STX8: variants seen among roughly 807,000 people sequenced by gnomAD.
The protein encoded by STX8 is syntaxin 8.
A neutral mutation model predicts 37.5 loss-of-function variants in STX8; 23 were observed. That is an observed-to-expected ratio of 0.61 (90% CI 0.44 to 0.87). STX8 has a LOEUF of 0.87. STX8 is among the 40% of genes least tolerant of loss of function. STX8 has a pLI of 0.00. For missense variants in STX8, 313 were observed against 284.7 expected (o/e 1.10, Z -0.71); for synonymous variants, 115 against 99.1 (o/e 1.16, Z -0.95).
intron 7 of STX8, among the ~76,000 whole-genome samples, chr17:9,350,190 C>G (rs757633319): frequency 1.4e-5 from 2 of 143,496 alleles, no homozygotes; most frequent in African/African-American, 5.0e-5. Context: ...GAATGGGCCG[C>G]GTATACAGCG....
chr17:9,461,974 C>T (rs778176806), intron 6 of STX8, among the ~76,000 whole-genome samples: 9 of 152,020 alleles, frequency 5.9e-5, no homozygotes, highest in South Asian at 2.1e-4. Context: ...CTAACGCTGC[C>T]GCTCATCTGA....
chr17:9,265,215 T>C (rs1907193792), intron 7 of STX8, among the ~76,000 whole-genome samples: 1 of 152,186 alleles, frequency 6.6e-6, no homozygotes, highest in African/African-American at 2.4e-5. Flanking sequence ...AAGCAATCTT[T>C]GATTAATACT....
intron 7 of STX8, among the ~76,000 whole-genome samples, chr17:9,254,855 G>A (rs879709192): frequency 6.7e-6 from 1 of 148,348 alleles, no homozygotes; most frequent in Non-Finnish European, 1.5e-5. Context: ...GTGTGTGCAT[G>A]TGTGTGTGTG....
intron 6 of STX8, among the ~76,000 whole-genome samples, chr17:9,468,266 C>T (rs1905703033): frequency 6.6e-6 from 1 of 151,992 alleles, no homozygotes; most frequent in South Asian, 2.1e-4. Context: ...TGCACCACCG[C>T]ACCCGGCTAA....
intron 4 of STX8, among the ~76,000 whole-genome samples, chr17:9,542,710 A>ATAAG (rs1906334400): frequency 6.6e-6 from 1 of 151,764 alleles, no homozygotes; most frequent in African/African-American, 2.4e-5. Flanking sequence ...AAATAAATAA[A>ATAAG]TAAGGAATAA....
chr17:9,539,107 T>C (rs1400730655), intron 4 of STX8, among the ~76,000 whole-genome samples: 2 of 152,158 alleles, frequency 1.3e-5, no homozygotes, highest in African/African-American at 2.4e-5. Context: ...TGACCAGTAA[T>C]CCGTAAGGTA....
chr17:9,429,042 C>A (rs553288151), intron 6 of STX8, among the ~76,000 whole-genome samples: 1 of 152,078 alleles, frequency 6.6e-6, no homozygotes, highest in Admixed American at 6.6e-5. Flanking sequence ...AGTTTCAGTG[C>A]AAACATATTA....
At chr17:9,382,403 T>C (rs1462879176) in intron 6 of STX8, among the ~76,000 whole-genome samples, 1 of 152,200 alleles carries the variant, frequency 6.6e-6, no homozygotes, top group African/African-American at 2.4e-5. Flanking sequence ...ACTTTTCAAT[T>C]AAAAGACAAA....
chr17:9,307,138 A>C lies in STX8; in HGVS notation c.644-56493T>G, dbSNP rs180777658. 6.6e-5 allele frequency among the ~76,000 whole-genome samples: 10 copies of C among 151,994 alleles called. No homozygotes were observed. In the East Asian group the frequency reaches 1.0e-3, roughly 15 times the overall value. ...CTCCGTCTCAAAAAATAAATAAATAAAGTAAGTAAATAAATAAATAAAATG... is the reference window on the plus strand; with the variant it reads ...CTCCGTCTCAAAAAATAAATAAATACAGTAAGTAAATAAATAAATAAAATG... On this transcript the variant is annotated intron_variant, in intron 7 of 7. Coordinates refer to ENST00000306357, the MANE Select transcript of STX8 (RefSeq NM_004853.3).
intron 6 of STX8, among the ~76,000 whole-genome samples, chr17:9,388,323 C>G (rs1011700935): frequency 6.6e-6 from 1 of 151,342 alleles, no homozygotes; most frequent in African/African-American, 2.4e-5. Context: ...CCACTCACCT[C>G]TGTCTCCCAA....
chr17:9,384,080 T>C (rs535765999), intron 6 of STX8, among the ~76,000 whole-genome samples: 3 of 152,144 alleles, frequency 2.0e-5, no homozygotes, highest in Non-Finnish European at 4.4e-5. Flanking sequence ...ACCTACAGTA[T>C]AAAAGAGTTC....
At chr17:9,332,453 A>T (rs888190619) in intron 7 of STX8, among the ~76,000 whole-genome samples, 1 of 152,246 alleles carries the variant, frequency 6.6e-6, no homozygotes, top group Non-Finnish European at 1.5e-5. Flanking sequence ...AGGAAGGGAC[A>T]AAAATAGCGG....
At chr17:9,394,052 G>A (rs183255004) in intron 6 of STX8, among the ~76,000 whole-genome samples, 11 of 152,294 alleles carry the variant, frequency 7.2e-5, no homozygotes, top group East Asian at 3.9e-4. Flanking sequence ...AACACAGTAT[G>A]TAAAGAACAA....
intron 7 of STX8, among the ~76,000 whole-genome samples, chr17:9,342,864 T>C (rs1215450339): frequency 6.6e-6 from 1 of 151,770 alleles, no homozygotes; most frequent in East Asian, 1.9e-4. Context: ...GTACTAAAAA[T>C]ACAAAAATTA....
At chr17:9,466,113 G>C (rs1436982284) in intron 6 of STX8, among the ~76,000 whole-genome samples, 2 of 152,032 alleles carry the variant, frequency 1.3e-5, no homozygotes, top group East Asian at 3.9e-4. Context: ...AGGGATTACA[G>C]GTGCACGCCA....
intron 7 of STX8, among the ~76,000 whole-genome samples, chr17:9,260,941 C>T (rs746221481): frequency 2.0e-5 from 3 of 151,928 alleles, no homozygotes; most frequent in African/African-American, 7.3e-5. Context: ...GAAAAGAGAA[C>T]GGTGTGAAGA....
intron 7 of STX8, among the ~76,000 whole-genome samples, chr17:9,345,799 G>C (rs1027860369): frequency 7.3e-6 from 1 of 136,432 alleles, no homozygotes; most frequent in Non-Finnish European, 1.5e-5. Flanking sequence ...GAAATGTTTC[G>C]AACTTTGGAT....
chr17:9,571,599 C>CAAAA (rs66741519), intron 1 of STX8, among the ~76,000 whole-genome samples: 1 of 99,842 alleles, frequency 1.0e-5, no homozygotes, highest in African/African-American at 4.0e-5. Flanking sequence ...GACTTTGTCT[C>CAAAA]AAAAAAAAAA....
chr17:9,545,719 T>C (rs1906480006), intron 3 of STX8, among the ~76,000 whole-genome samples: 1 of 152,206 alleles, frequency 6.6e-6, no homozygotes, highest in Admixed American at 6.5e-5. Context: ...TAGCTGGGCT[T>C]ACAGACGTGC....
Sources: allele counts gnomAD v4.1 joint callset (sites outside exome capture counted in the v4.1 genomes callset), GRCh38; gene constraint gnomAD v4.1.1; transcripts MANE v1.5; gene names NCBI Gene and HGNC (gene_info 2026-07-23, HGNC 2026-07-21).